FYN: variants seen among roughly 807,000 people sequenced by gnomAD.
The protein encoded by FYN is FYN proto-oncogene, Src family tyrosine kinase, also known as tyrosine-protein kinase Fyn.
A neutral mutation model predicts 70.2 loss-of-function variants in FYN; 10 were observed. The observed-to-expected ratio is 0.14, with a 90% CI of 0.09 to 0.24. The LOEUF is 0.24. Ranked by LOEUF, FYN falls within the 10% of genes least tolerant of loss-of-function variation. The probability of loss-of-function intolerance (pLI) is 1.00; values close to 1 mark genes in which losing one functional copy is unlikely to be tolerated. For synonymous variants in FYN, 236 were observed against 248.6 expected, an observed-to-expected ratio of 0.95 and a Z score of 0.48; for missense variants, 319 against 673.1, an observed-to-expected ratio of 0.47 and a Z score of 5.82.
chr6:111,708,241 T>C (rs754703864), intron 5 of FYN: 5 of 458,090 alleles, frequency 1.1e-5, no homozygotes, highest in Non-Finnish European at 2.0e-5. Context: ...TCTTGCCTTA[T>C]TTGTGAATTA....
At chr6:111,765,662 T>C (rs1296701818) in intron 3 of FYN, among the ~76,000 whole-genome samples, 1 of 151,750 alleles carries the variant, frequency 6.6e-6, no homozygotes, top group Admixed American at 6.6e-5. Context: ...TAAGCACCTA[T>C]GATGAAAAAG....
intron 13 of FYN, among the ~76,000 whole-genome samples, chr6:111,669,557 T>C (rs537455547): frequency 6.6e-5 from 10 of 151,260 alleles, no homozygotes; most frequent in African/African-American, 2.4e-4. Flanking sequence ...CTGCCTAGAA[T>C]AGTGTTGGAA....
chr6:111,721,369 C>T (rs567121540), intron 3 of FYN, among the ~76,000 whole-genome samples: 1 of 152,290 alleles, frequency 6.6e-6, no homozygotes, highest in South Asian at 2.1e-4. Context: ...AAATAGCAAC[C>T]AGATGAGTGA....
intron 4 of FYN, among the ~76,000 whole-genome samples, chr6:111,715,476 C>T (rs1438737410): frequency 6.6e-6 from 1 of 152,140 alleles, no homozygotes; most frequent in African/African-American, 2.4e-5. Context: ...CTGGATCTAA[C>T]GACTTGCTTC....
At chr6:111,673,975 T>C (rs1798424269) in intron 13 of FYN, among the ~76,000 whole-genome samples, 1 of 151,962 alleles carries the variant, frequency 6.6e-6, no homozygotes, top group African/African-American at 2.4e-5. Flanking sequence ...AGGCAGTGAG[T>C]GGCTCTAAAT....
intron 4 of FYN, among the ~76,000 whole-genome samples, chr6:111,716,282 T>C (rs17704348): frequency 0.086 from 13,163 of 152,322 alleles, 805 homozygotes; most frequent in Non-Finnish European, 0.13. Flanking sequence ...TTTATGCTTG[T>C]ATTTGATGAT....
At chr6:111,845,311 G>A (rs1773494469) in intron 2 of FYN, among the ~76,000 whole-genome samples, 2 of 152,244 alleles carry the variant, frequency 1.3e-5, no homozygotes, top group South Asian at 2.1e-4. Flanking sequence ...TCCCATAGGC[G>A]ACAGTCTTTG....
chr6:111,773,559 G>GGAGGGAGAGGGAGACGCAGAGGAGGGA (rs1803565240), intron 3 of FYN, among the ~76,000 whole-genome samples: 1 of 33,162 alleles, frequency 3.0e-5, no homozygotes, highest in Non-Finnish European at 4.9e-5. Context: ...GAGACGCAGA[G>GGAGGGAGAGGGAGACGCAGAGGAGGGA]GAGGGAGAGG....
chr6:111,752,659 G>A (rs1484546050), intron 3 of FYN, among the ~76,000 whole-genome samples: 1 of 152,180 alleles, frequency 6.6e-6, no homozygotes, highest in Non-Finnish European at 1.5e-5. Flanking sequence ...GGGAGGCAGT[G>A]GCTCCTCTGA....
chr6:111,836,327 G>A (rs1203100253), intron 2 of FYN, among the ~76,000 whole-genome samples: 1 of 152,196 alleles, frequency 6.6e-6, no homozygotes, highest in Non-Finnish European at 1.5e-5. Flanking sequence ...GATATGGAGT[G>A]ATACTCATGG....
intron 2 of FYN, among the ~76,000 whole-genome samples, chr6:111,790,297 C>T (rs1471849601): frequency 1.5e-5 from 2 of 130,466 alleles, no homozygotes; most frequent in African/African-American, 5.9e-5. Flanking sequence ...CACACACACA[C>T]ATTCTGAAGG....
chr6:111,676,099 T>C (rs1798520879), intron 12 of FYN, among the ~76,000 whole-genome samples: 1 of 152,210 alleles, frequency 6.6e-6, no homozygotes, highest in Non-Finnish European at 1.5e-5. Context: ...AAGTGGCGAA[T>C]GATTAAAATA....
chr6:111,672,835 G>A (rs1798347310), intron 13 of FYN, among the ~76,000 whole-genome samples: 1 of 151,970 alleles, frequency 6.6e-6, no homozygotes, highest in African/African-American at 2.4e-5. Context: ...TGGTCTAAGT[G>A]GTAAAATGAG....
intron 3 of FYN, among the ~76,000 whole-genome samples, chr6:111,756,967 A>G (rs1802766746): frequency 6.6e-6 from 1 of 152,138 alleles, no homozygotes; most frequent in Non-Finnish European, 1.5e-5. Flanking sequence ...CCTACTTCCT[A>G]TCCCCTGTGC....
intron 12 of FYN, among the ~76,000 whole-genome samples, chr6:111,675,299 T>C (rs1327214245): frequency 1.3e-5 from 2 of 152,222 alleles, no homozygotes; most frequent in Non-Finnish European, 2.9e-5. Context: ...TTAATGTTTG[T>C]TTTTTAAAGA....
At chr6:111,826,804 C>T (rs930661088) in intron 2 of FYN, among the ~76,000 whole-genome samples, 1 of 152,190 alleles carries the variant, frequency 6.6e-6, no homozygotes, top group African/African-American at 2.4e-5. Context: ...CCGATTTAGG[C>T]CATGTACCGA....
chr6:111,831,154 T>C (rs991716400), intron 2 of FYN, among the ~76,000 whole-genome samples: 8 of 152,292 alleles, frequency 5.3e-5, no homozygotes, highest in African/African-American at 1.9e-4. Context: ...AATAGTGATT[T>C]TGTTGGCATT....
At chr6:111,786,557 GGGTATACACCC>G (rs1334347898) in intron 2 of FYN, among the ~76,000 whole-genome samples, 2 of 152,110 alleles carry the variant, frequency 1.3e-5, no homozygotes, top group Non-Finnish European at 2.9e-5. Flanking sequence ...ATAATCCTTT[GGGTATACACCC>G]AGTATATACC....
chr6:111,794,369 A>C (rs1771736071), intron 2 of FYN, among the ~76,000 whole-genome samples: 1 of 152,244 alleles, frequency 6.6e-6, no homozygotes, highest in South Asian at 2.1e-4. Flanking sequence ...AATGCCACAG[A>C]GATTTTCCTA....
Sources: allele counts gnomAD v4.1 joint callset (sites outside exome capture counted in the v4.1 genomes callset), GRCh38; gene constraint gnomAD v4.1.1; transcripts MANE v1.5; gene names NCBI Gene and HGNC (gene_info 2026-07-23, HGNC 2026-07-21).